HTR1E: variants seen among roughly 807,000 people sequenced by gnomAD.
HTR1E encodes the protein 5-HT-1E.
In HTR1E, 3 loss-of-function variants were observed where a neutral mutation model predicts 3.4. The observed-to-expected ratio is 0.89, with a 90% CI of 0.41 to 2.31. HTR1E has a LOEUF of 2.31. Ranked by LOEUF, HTR1E falls within the 30% of genes most tolerant of loss-of-function variation. The probability of loss-of-function intolerance (pLI) is 0.05; values close to 1 mark genes in which losing one functional copy is unlikely to be tolerated. For synonymous variants in HTR1E, 170 were observed against 182.8 expected (o/e 0.93, Z 0.56); for missense variants, 392 against 467.0 (o/e 0.84, Z 1.48).
chr6:86,977,021 T>G (rs996089358), intron 1 of HTR1E, among the ~76,000 whole-genome samples: 5 of 152,214 alleles, frequency 3.3e-5, no homozygotes, highest in Non-Finnish European at 7.3e-5. Flanking sequence ...TGTGACACTT[T>G]TTAATACTGT....
At chr6:86,995,820 A>G (rs1391447278) in intron 1 of HTR1E, among the ~76,000 whole-genome samples, 1 of 152,036 alleles carries the variant, frequency 6.6e-6, no homozygotes, top group Non-Finnish European at 1.5e-5. Flanking sequence ...AGGCAGTAGG[A>G]GTGTCTATAT....
intron 1 of HTR1E, among the ~76,000 whole-genome samples, chr6:86,940,861 G>A (rs200874798): frequency 8.5e-5 from 13 of 152,310 alleles, no homozygotes; most frequent in East Asian, 7.7e-4. Flanking sequence ...TTTTTATGCC[G>A]TAAATTATCA....
chr6:87,008,225 C>T (rs1191172364), intron 1 of HTR1E, among the ~76,000 whole-genome samples: 1 of 152,090 alleles, frequency 6.6e-6, no homozygotes, highest in Admixed American at 6.6e-5. Flanking sequence ...GCAGTATCTC[C>T]TCTACATCCT....
intron 1 of HTR1E, among the ~76,000 whole-genome samples, chr6:86,939,227 C>CTGAAGG (rs1465974881): frequency 6.6e-6 from 1 of 152,226 alleles, no homozygotes; most frequent in Non-Finnish European, 1.5e-5. Context: ...AGAGCTTTAG[C>CTGAAGG]CTCCAGCCCA....
At chr6:86,941,967 G>C (rs570011651) in intron 1 of HTR1E, among the ~76,000 whole-genome samples, 1 of 152,280 alleles carries the variant, frequency 6.6e-6, no homozygotes, top group Non-Finnish European at 1.5e-5. Flanking sequence ...TAAATAATTA[G>C]CTACTAGGAA....
chr6:86,975,411 A>G (rs1767616012), intron 1 of HTR1E, among the ~76,000 whole-genome samples: 1 of 152,124 alleles, frequency 6.6e-6, no homozygotes, highest in South Asian at 2.1e-4. Context: ...ATGATTGCAC[A>G]TGGACATCCT....
In HTR1E at chr6:86,992,410, A is replaced by G. The variant is rs192388945; in HGVS notation, c.-185-22740A>G. ...GGAGGTTATTAAAAACAGTTTTTCA[A>G]TTCAAGTTCTCAAGCCTACTATGAA... On this transcript the variant is annotated intron_variant, in intron 1 of 1. Coordinates refer to ENST00000305344, the MANE Select transcript of HTR1E (RefSeq NM_000865.3). Among the ~76,000 whole-genome samples, 9 of 152,268 alleles carry G rather than the reference A, an allele frequency of 5.9e-5. No homozygotes were observed. The East Asian group carries it at 1.7e-3, about 29-fold the overall frequency.
intron 1 of HTR1E, among the ~76,000 whole-genome samples, chr6:86,964,221 G>T (rs576860357): frequency 5.5e-4 from 84 of 152,232 alleles, no homozygotes; most frequent in African/African-American, 1.8e-3. Flanking sequence ...AAAAATATGC[G>T]TTGGAATCGT....
chr6:86,983,787 T>G (rs1273993632), intron 1 of HTR1E, among the ~76,000 whole-genome samples: 1 of 152,178 alleles, frequency 6.6e-6, no homozygotes, highest in Non-Finnish European at 1.5e-5. Flanking sequence ...CATAAATATG[T>G]ACAACTTATT....
At position 86,978,919 on chromosome 6, in the gene HTR1E, A is replaced by G. The variant is rs569581883; in HGVS notation, c.-185-36231A>G. Among the ~76,000 whole-genome samples the G allele has an allele frequency of 2.2e-4, 34 of 152,234 alleles. 1 individual carries two copies. The highest frequency in any genetic ancestry group is 1.5e-4 in the Non-Finnish European group (10 of 68,048). ...CCAGCTTTGCAAGGTAACCTCATTGATTTGAAGAAAAAGGAAATGATGCTA... is the reference window on the plus strand; with the variant it reads ...CCAGCTTTGCAAGGTAACCTCATTGGTTTGAAGAAAAAGGAAATGATGCTA... On this transcript the variant is annotated intron_variant, in intron 1 of 1. Transcript: ENST00000305344.
chr6:86,991,170 G>A (rs1204261071), intron 1 of HTR1E, among the ~76,000 whole-genome samples: 1 of 152,118 alleles, frequency 6.6e-6, no homozygotes, highest in Non-Finnish European at 1.5e-5. Flanking sequence ...TCAGTCATGA[G>A]AAACAAGCAA....
chr6:87,009,045 ACTT>A (rs984714246), intron 1 of HTR1E, among the ~76,000 whole-genome samples: 4 of 148,516 alleles, frequency 2.7e-5, no homozygotes, highest in Non-Finnish European at 4.5e-5. Flanking sequence ...TATACGCCAC[ACTT>A]CTTTTTATTT....
intron 1 of HTR1E, among the ~76,000 whole-genome samples, chr6:87,009,635 C>T (rs1768171326): frequency 6.8e-6 from 1 of 147,754 alleles, no homozygotes; most frequent in African/African-American, 2.5e-5. Flanking sequence ...CCAGTAGGGG[C>T]GGCCGGGCAG....
At chr6:86,995,688 G>GAA (rs58476122) in intron 1 of HTR1E, among the ~76,000 whole-genome samples, 2 of 55,202 alleles carry the variant, frequency 3.6e-5, no homozygotes, top group Non-Finnish European at 7.6e-5. Flanking sequence ...AAAAAAAAAA[G>GAA]AAAAAAAAAA....
At chr6:87,008,492 G>A (rs1056210878) in intron 1 of HTR1E, among the ~76,000 whole-genome samples, 2 of 152,288 alleles carry the variant, frequency 1.3e-5, no homozygotes, top group South Asian at 2.1e-4. Flanking sequence ...AAGAAGAGAC[G>A]AAAGAATATT....
intron 1 of HTR1E, among the ~76,000 whole-genome samples, chr6:86,993,794 C>A (rs1767901158): frequency 6.6e-6 from 1 of 151,450 alleles, no homozygotes; most frequent in African/African-American, 2.4e-5. Context: ...TATCAAAGAC[C>A]AGGAAAATTT....
chr6:87,008,250 T>C (rs968374934), intron 1 of HTR1E, among the ~76,000 whole-genome samples: 1 of 152,198 alleles, frequency 6.6e-6, no homozygotes, highest in African/African-American at 2.4e-5. Flanking sequence ...CTGCTTCTAC[T>C]GAAGATCTAA....
chr6:86,979,971 C>G (rs1368640201), intron 1 of HTR1E, among the ~76,000 whole-genome samples: 2 of 152,094 alleles, frequency 1.3e-5, no homozygotes, highest in African/African-American at 4.8e-5. Context: ...AAATAAATAC[C>G]CCATTCTCAC....
At position 87,016,419 on chromosome 6, in the gene HTR1E, G is replaced by A. The variant is rs776555108; in HGVS notation, c.1085G>A (p.Arg362Gln). Residue 362 changes from arginine to glutamine, a missense_variant, in exon 2 of 2, where the codon CGA (arginine) becomes CAA (glutamine). Physicochemically the swap from Arg to Gln is conservative, Grantham distance 43. Transcript: ENST00000305344. ...GCTTTTAAAAAGCTCATTAGATGCC[G>A]AGAGCATACTTAGACTGTAAAAAGC... ...KLAFKKLIRC[R>Q]EHT 9 of 1,601,266 alleles carry A rather than the reference G, an allele frequency of 5.6e-6. No individual in the cohort carries two copies. The highest frequency in any genetic ancestry group is 4.5e-5 in the East Asian group (2 of 44,594).
Sources: allele counts gnomAD v4.1 joint callset (sites outside exome capture counted in the v4.1 genomes callset), GRCh38; gene constraint gnomAD v4.1.1; transcripts MANE v1.5; gene names NCBI Gene and HGNC (gene_info 2026-07-23, HGNC 2026-07-21).